The following CNTNAP5 variants were observed in gnomAD, a reference collection of about 807,000 sequenced individuals.
CNTNAP5 encodes the protein contactin-associated protein-like 5.
Under a neutral mutation model 150.2 loss-of-function variants are expected in CNTNAP5, and 72 were observed. That is an observed-to-expected ratio of 0.48 (90% CI 0.40 to 0.58). CNTNAP5 has a LOEUF of 0.58. CNTNAP5 is among the 20% of genes least tolerant of loss of function. CNTNAP5 has a pLI of 0.00. For missense variants in CNTNAP5, 1,636 were observed against 1,626.2 expected (o/e 1.01, Z -0.10); for synonymous variants, 672 against 619.8 (o/e 1.08, Z -1.25).
intron 10 of CNTNAP5, among the ~76,000 whole-genome samples, chr2:124,533,252 A>AT (rs1695151506): frequency 6.6e-6 from 1 of 152,070 alleles, no homozygotes; most frequent in African/African-American, 2.4e-5. Flanking sequence ...CCATGCATGC[A>AT]TGGAGATCCT....
chr2:124,047,676 C>T (rs1009760243), intron 1 of CNTNAP5, among the ~76,000 whole-genome samples: 1 of 152,210 alleles, frequency 6.6e-6, no homozygotes, highest in African/African-American at 2.4e-5. Flanking sequence ...TTCTCTGTGT[C>T]CCTGGTGCAT....
chr2:124,450,710 G>A (rs960089876), intron 6 of CNTNAP5, among the ~76,000 whole-genome samples: 2 of 151,756 alleles, frequency 1.3e-5, no homozygotes, highest in African/African-American at 4.9e-5. Flanking sequence ...TGGAGCAGAA[G>A]GGCTTTAGAA....
chr2:124,457,265 A>G (rs1437713087), intron 6 of CNTNAP5, among the ~76,000 whole-genome samples: 1 of 152,330 alleles, frequency 6.6e-6, no homozygotes, highest in East Asian at 1.9e-4. Context: ...CCAAGAACCC[A>G]AAAGAAAATG....
chr2:124,407,568 T>C (rs1691606531), intron 3 of CNTNAP5, among the ~76,000 whole-genome samples: 1 of 152,172 alleles, frequency 6.6e-6, no homozygotes, highest in African/African-American at 2.4e-5. Context: ...TCAATACCCT[T>C]CTTCACAGGG....
chr2:124,877,786 A>G (rs1373674190), intron 21 of CNTNAP5, among the ~76,000 whole-genome samples: 1 of 152,142 alleles, frequency 6.6e-6, no homozygotes, highest in Non-Finnish European at 1.5e-5. Flanking sequence ...AAATAATAGT[A>G]CTAAAAATGG....
chr2:124,429,967 A>C (rs2104790253), intron 4 of CNTNAP5, among the ~76,000 whole-genome samples: 1 of 152,276 alleles, frequency 6.6e-6, no homozygotes, highest in East Asian at 1.9e-4. Context: ...GCTCTGAATT[A>C]ATGTGGCAAA....
chr2:124,801,480 G>A (rs1429806020), intron 19 of CNTNAP5, among the ~76,000 whole-genome samples: 1 of 152,144 alleles, frequency 6.6e-6, no homozygotes, highest in East Asian at 1.9e-4. Context: ...TTTGCCATTG[G>A]AGGTCCTCAA....
chr2:124,485,805 G>C (rs545501968), intron 7 of CNTNAP5, among the ~76,000 whole-genome samples: 1 of 152,036 alleles, frequency 6.6e-6, no homozygotes, highest in South Asian at 2.1e-4. Flanking sequence ...TGGAGGACAG[G>C]AACCTGGAAG....
chr2:124,287,928 G>C (rs1170263306), intron 3 of CNTNAP5, among the ~76,000 whole-genome samples: 1 of 152,114 alleles, frequency 6.6e-6, no homozygotes, highest in Non-Finnish European at 1.5e-5. Context: ...GATGTTTGAT[G>C]TTAGTTTGTT....
chr2:124,350,416 T>A (rs756107152), intron 3 of CNTNAP5, among the ~76,000 whole-genome samples: 7 of 151,912 alleles, frequency 4.6e-5, no homozygotes, highest in Middle Eastern at 3.4e-3. Context: ...TATATAAATT[T>A]AAAGTAATTT....
Position 124,256,198 on chromosome 2 carries a change from G to A in CNTNAP5, c.381+13805G>A, listed in dbSNP as rs765878603. ...GTCAATATAAAAAAAACCTTCGTTC[G>A]GATAATATATTATATTGTCAATGTC... On this transcript the variant is annotated intron_variant, in intron 3 of 23. Coordinates refer to ENST00000682447, the MANE Select transcript of CNTNAP5 (RefSeq NM_001367498.1). Among the ~76,000 whole-genome samples, 9 of 152,084 alleles carry A rather than the reference G, an allele frequency of 5.9e-5. No individual in the cohort carries two copies. The East Asian group carries it at 7.7e-4, about 13-fold the overall frequency.
chr2:124,851,368 A>G (rs1683151768), intron 19 of CNTNAP5, among the ~76,000 whole-genome samples: 1 of 152,202 alleles, frequency 6.6e-6, no homozygotes, highest in African/African-American at 2.4e-5. Context: ...AAAAAGAAAG[A>G]AAGTTGCAGA....
intron 3 of CNTNAP5, among the ~76,000 whole-genome samples, chr2:124,297,947 C>T (rs1342146325): frequency 6.6e-6 from 1 of 151,596 alleles, no homozygotes; most frequent in African/African-American, 2.4e-5. Context: ...CGGGTTCAAG[C>T]GATTCTCCTG....
chr2:124,474,523 G>A (rs868819490), intron 6 of CNTNAP5, among the ~76,000 whole-genome samples: 2 of 152,038 alleles, frequency 1.3e-5, no homozygotes, highest in Admixed American at 6.6e-5. Flanking sequence ...GAAAATGGTT[G>A]TGTAAAATAG....
At chr2:124,563,352 G>C in intron 11 of CNTNAP5, 29 bp downstream of exon 11, 1 of 1,392,246 alleles carries the variant, frequency 7.2e-7, no homozygotes, top group Non-Finnish European at 1.0e-6. Context: ...TGCCCCTGGT[G>C]GCTTGGACAA....
chr2:124,783,000 A>G (rs1201916549), intron 17 of CNTNAP5, among the ~76,000 whole-genome samples: 6 of 152,196 alleles, frequency 3.9e-5, no homozygotes. Context: ...CATCAATACA[A>G]TGCTAGGCAA....
chr2:124,219,256 G>T (rs1686241412), intron 1 of CNTNAP5, among the ~76,000 whole-genome samples: 1 of 152,036 alleles, frequency 6.6e-6, no homozygotes, highest in Admixed American at 6.6e-5. Flanking sequence ...TATAAGAAAA[G>T]ATTTAGGGGA....
chr2:124,238,906 G>T (rs1159509777), intron 2 of CNTNAP5, among the ~76,000 whole-genome samples: 2 of 152,170 alleles, frequency 1.3e-5, no homozygotes, highest in Admixed American at 6.6e-5. Context: ...GCAACCCTGG[G>T]TGTCTTCCCT....
chr2:124,427,565 T>C (rs565342285), intron 4 of CNTNAP5, among the ~76,000 whole-genome samples: 11 of 152,120 alleles, frequency 7.2e-5, no homozygotes, highest in African/African-American at 2.7e-4. Context: ...CAAGCAATTC[T>C]CCTGCCTCAG....
Sources: gnomAD v4.1 joint callset for allele counts (sites outside exome capture counted in the v4.1 genomes callset) on GRCh38, gnomAD v4.1.1 for gene constraint, MANE v1.5 for transcripts, NCBI Gene and HGNC (gene_info 2026-07-23, HGNC 2026-07-21) for gene names.